Variants in CDH8 observed in about 807,000 individuals in gnomAD.
CDH8 encodes cadherin-8.
A neutral mutation model predicts 68.1 loss-of-function variants in CDH8; 17 were observed. That is an observed-to-expected ratio of 0.25 (90% CI 0.17 to 0.37). CDH8 has a LOEUF of 0.37. Ranked by LOEUF, CDH8 falls within the 10% of genes least tolerant of loss-of-function variation. The pLI, the probability that CDH8 is intolerant of heterozygous loss-of-function variation, is 1.00. For synonymous variants in CDH8, 372 were observed against 365.1 expected (o/e 1.02, Z -0.21); for missense variants, 763 against 999.3 (o/e 0.76, Z 3.19).
chr16:61,677,366 C>A (rs928588361), intron 10 of CDH8, among the ~76,000 whole-genome samples: 1 of 151,474 alleles, frequency 6.6e-6, no homozygotes, highest in African/African-American at 2.4e-5. Context: ...AAAGACTCTT[C>A]CAGTGGCAGC....
At chr16:62,024,443 G>T (rs911092359) in intron 1 of CDH8, among the ~76,000 whole-genome samples, 3 of 152,026 alleles carry the variant, frequency 2.0e-5, no homozygotes, top group Non-Finnish European at 4.4e-5. Flanking sequence ...ATGACTCTAG[G>T]ATAAGAAAAT....
intron 3 of CDH8, among the ~76,000 whole-genome samples, chr16:61,883,293 T>G (rs543067367): frequency 6.6e-6 from 1 of 152,258 alleles, no homozygotes; most frequent in African/African-American, 2.4e-5. Flanking sequence ...AGTGAGATTT[T>G]TATCCATTTC....
intron 6 of CDH8, among the ~76,000 whole-genome samples, chr16:61,820,397 G>A (rs1450495752): frequency 1.4e-5 from 2 of 146,202 alleles, no homozygotes; most frequent in Non-Finnish European, 3.0e-5. Flanking sequence ...GTGTATTTGG[G>A]GAAGATATTT....
Position 61,825,117 on chromosome 16 carries a change from T to A in CDH8, c.730A>T (p.Ile244Phe). ...REAKEEYLVV[I>F]QAKDMGGHSG... Reference sequence around the variant, plus strand: ...TGTCCACCCATATCTTTGGCTTGGATAACAACCAGGTACTCCTCCTTGGCT... The same window carrying A: ...TGTCCACCCATATCTTTGGCTTGGAAAACAACCAGGTACTCCTCCTTGGCT... The change falls in exon 5 of 12, where the codon ATC (isoleucine) becomes TTC (phenylalanine). Residue 244 changes from isoleucine (I) to phenylalanine (F), a missense_variant. Physicochemically the swap from Ile to Phe is conservative, Grantham distance 21. Around this residue, in one of 2 missense-constraint regions of CDH8, gnomAD observed 366 missense variants for 563.1 expected, o/e 0.65. Coordinates refer to ENST00000577390, the MANE Select transcript of CDH8 (RefSeq NM_001796.5). The A allele has an allele frequency of 6.2e-7, 1 of 1,612,020 alleles. No homozygotes were observed. Among genetic ancestry groups the A allele is most frequent in the Non-Finnish European group, 8.5e-7 (1 of 1,178,698 alleles).
chr16:61,871,467 C>T (rs1963361651), intron 3 of CDH8, among the ~76,000 whole-genome samples: 1 of 151,762 alleles, frequency 6.6e-6, no homozygotes, highest in South Asian at 2.1e-4. Flanking sequence ...CCCAGCCTAC[C>T]TAAGGATCTT....
At chr16:61,970,722 C>T (rs1965323379) in intron 2 of CDH8, among the ~76,000 whole-genome samples, 1 of 152,162 alleles carries the variant, frequency 6.6e-6, no homozygotes, top group Admixed American at 6.5e-5. Context: ...AGTTCTGACA[C>T]CGTCTCCCTG....
chr16:61,862,435 C>T (rs1326875515), intron 3 of CDH8, among the ~76,000 whole-genome samples: 1 of 152,174 alleles, frequency 6.6e-6, no homozygotes, highest in Non-Finnish European at 1.5e-5. Context: ...CTGGGGACTG[C>T]AACAGAGCTA....
intron 5 of CDH8, among the ~76,000 whole-genome samples, chr16:61,822,959 T>G (rs1962249510): frequency 6.6e-6 from 1 of 151,952 alleles, no homozygotes; most frequent in Non-Finnish European, 1.5e-5. Flanking sequence ...AGGCACACGT[T>G]TGAAATTGAT....
At chr16:61,870,993 A>G (rs988932626) in intron 3 of CDH8, among the ~76,000 whole-genome samples, 4 of 152,128 alleles carry the variant, frequency 2.6e-5, no homozygotes, top group African/African-American at 9.7e-5. Context: ...CAGATTTCCA[A>G]AAGAGGATAG....
chr16:62,034,192 A>AACACACACACAC (rs71134383), intron 1 of CDH8, among the ~76,000 whole-genome samples: 15 of 147,218 alleles, frequency 1.0e-4, no homozygotes, highest in Non-Finnish European at 2.1e-4. Flanking sequence ...CTCTCTCTCA[A>AACACACACACAC]ACACACACAC....
chr16:61,721,338 T>C (rs2142882194), intron 9 of CDH8, among the ~76,000 whole-genome samples: 1 of 151,114 alleles, frequency 6.6e-6, no homozygotes, highest in East Asian at 1.9e-4. Context: ...AAATCAATCC[T>C]GTCTCCCTCT....
intron 10 of CDH8, among the ~76,000 whole-genome samples, chr16:61,709,342 A>G (rs750447963): frequency 1.1e-4 from 16 of 151,864 alleles, no homozygotes; most frequent in Admixed American, 7.9e-4. Flanking sequence ...GGACAGAATG[A>G]CTCTGTCTGC....
chr16:61,950,714 A>T (rs920681348), intron 2 of CDH8, among the ~76,000 whole-genome samples: 6 of 151,978 alleles, frequency 3.9e-5, no homozygotes, highest in African/African-American at 1.5e-4. Flanking sequence ...ATACAGCCAT[A>T]AAAAAAGAAC....
At chr16:61,752,570 C>T (rs1960195745) in intron 8 of CDH8, among the ~76,000 whole-genome samples, 1 of 152,168 alleles carries the variant, frequency 6.6e-6, no homozygotes, top group Non-Finnish European at 1.5e-5. Flanking sequence ...TACATCTCCA[C>T]CTCAGAATAT....
At chr16:61,667,145 T>A (rs1963695187) in intron 10 of CDH8, 1 of 152,054 alleles carries the variant, frequency 6.6e-6, no homozygotes, top group African/African-American at 2.4e-5. Flanking sequence ...GTTGGCTTAT[T>A]TGTGACTGCT....
chr16:61,816,971 C>T (rs1555512571), intron 7 of CDH8, among the ~76,000 whole-genome samples: 2 of 151,994 alleles, frequency 1.3e-5, no homozygotes, highest in Non-Finnish European at 2.9e-5. Context: ...ATAAAAAGAT[C>T]ATTTCAAAGC....
chr16:61,904,536 T>A (rs1210924989), intron 2 of CDH8, among the ~76,000 whole-genome samples: 1 of 152,184 alleles, frequency 6.6e-6, no homozygotes, highest in Non-Finnish European at 1.5e-5. Context: ...GCTTAAAAAA[T>A]ACTCTGGACT....
intron 8 of CDH8, among the ~76,000 whole-genome samples, chr16:61,739,873 A>G (rs1347899096): frequency 7.1e-6 from 1 of 141,308 alleles, no homozygotes; most frequent in Non-Finnish European, 1.5e-5. Context: ...TAGCATTTGT[A>G]CAACATATTC....
At chr16:61,974,808 T>A (rs543880182) in intron 2 of CDH8, among the ~76,000 whole-genome samples, 126 of 152,250 alleles carry the variant, frequency 8.3e-4, no homozygotes, top group African/African-American at 2.9e-3. Context: ...TCAATCCCAA[T>A]TCCATCTACT....
Sources: gnomAD v4.1 joint callset for allele counts (sites outside exome capture counted in the v4.1 genomes callset) on GRCh38, gnomAD v4.1.1 for gene constraint, gnomAD v4.1.1 regional missense constraint, MANE v1.5 for transcripts, NCBI Gene and HGNC (gene_info 2026-07-23, HGNC 2026-07-21) for gene names.